The following STX7 variants were observed in gnomAD, a reference collection of about 807,000 sequenced individuals.
The protein encoded by STX7 is syntaxin 7.
In STX7, 34 loss-of-function variants were observed where a neutral mutation model predicts 39.6. The ratio of observed to expected loss-of-function variants is 0.86; its 90% CI spans 0.65 to 1.14. The LOEUF (loss-of-function observed/expected upper bound fraction) is 1.14, where lower values mean the gene tolerates loss of function less well. Among genes scored for constraint, STX7 ranks in the 50% most tolerant of loss-of-function variants. STX7 has a pLI of 0.00. For missense variants in STX7, 284 were observed against 310.4 expected, an observed-to-expected ratio of 0.92 and a Z score of 0.64; for synonymous variants, 119 against 99.1, an observed-to-expected ratio of 1.20 and a Z score of -1.19.
At chr6:132,490,618 A>T (rs1775255584) in intron 2 of STX7, among the ~76,000 whole-genome samples, 1 of 152,216 alleles carries the variant, frequency 6.6e-6, no homozygotes, top group South Asian at 2.1e-4. Flanking sequence ...CTGAGCAGGA[A>T]GCCGTATGGG....
At chr6:132,466,461 CAAGTATTCAGCTA>C (rs1303082962) in intron 8 of STX7, among the ~76,000 whole-genome samples, 1 of 152,194 alleles carries the variant, frequency 6.6e-6, no homozygotes, top group East Asian at 1.9e-4. Context: ...ATCTCTGTTA[CAAGTATTCAGCTA>C]CCCCTTCACT....
At position 132,471,595 on chromosome 6, in the gene STX7, T is replaced by C; in HGVS notation, c.255A>G (p.Gln85=). Reference sequence around the variant, plus strand: ...CTAAGCGATCCTTCTGTATTTTCCTTTGACGCTAGAGGAAAGAGAAGAAAA... The same window carrying C: ...CTAAGCGATCCTTCTGTATTTTCCTCTGACGCTAGAGGAAAGAGAAGAAAA... ...SLPTTPSEQR[Q]RKIQKDRLVA... The change falls in exon 5 of 10, where the codon CAA becomes CAG. Residue 85 remains glutamine (Q), a synonymous_variant. Coordinates refer to ENST00000367941, the MANE Select transcript of STX7 (RefSeq NM_003569.3). 1.2e-6 allele frequency: 2 copies of C among 1,612,180 alleles called. No individual in the cohort carries two copies. Among genetic ancestry groups the C allele is most frequent in the Non-Finnish European group, 1.7e-6 (2 of 1,179,374 alleles).
intron 2 of STX7, among the ~76,000 whole-genome samples, chr6:132,489,200 TAAAAAAAAAA>T (rs745673648): frequency 1.2e-5 from 1 of 83,208 alleles, no homozygotes; most frequent in Non-Finnish European, 2.2e-5. Context: ...GACTCTGTCT[TAAAAAAAAAA>T]AAAAAAAAAA....
At chr6:132,490,238 C>G (rs114989856) in intron 2 of STX7, among the ~76,000 whole-genome samples, 1 of 152,284 alleles carries the variant, frequency 6.6e-6, no homozygotes, top group East Asian at 1.9e-4. Flanking sequence ...GTCATCCACT[C>G]GAGGGCCCAA....
chr6:132,496,950 T>C (rs1188182762), intron 2 of STX7, among the ~76,000 whole-genome samples: 2 of 152,182 alleles, frequency 1.3e-5, no homozygotes, highest in Non-Finnish European at 2.9e-5. Context: ...AAACATCAAA[T>C]GTTGACAAGG....
chr6:132,472,478 G>A (rs1026903805), intron 3 of STX7, 103 bp from the exon 4 acceptor site: 10 of 831,882 alleles, frequency 1.2e-5, no homozygotes, highest in Non-Finnish European at 1.6e-5. Context: ...TACAAAAATT[G>A]CCTTTTCATA....
intron 9 of STX7, among the ~76,000 whole-genome samples, chr6:132,462,586 TGTG>T (rs1774438692): frequency 4.7e-5 from 3 of 64,486 alleles, no homozygotes; most frequent in African/African-American, 1.5e-4. Flanking sequence ...TGCAGGGGTG[TGTG>T]TGTGTGTGTG....
intron 2 of STX7, among the ~76,000 whole-genome samples, chr6:132,501,159 T>C (rs1025659213): frequency 1.3e-5 from 2 of 152,026 alleles, no homozygotes; most frequent in African/African-American, 4.8e-5. Flanking sequence ...TTCAAGCGAT[T>C]CCCCTGCCTC....
At chr6:132,465,545 T>A (rs539912994) in intron 8 of STX7, among the ~76,000 whole-genome samples, 1 of 152,218 alleles carries the variant, frequency 6.6e-6, no homozygotes, top group African/African-American at 2.4e-5. Flanking sequence ...AAGGATTAAC[T>A]GTGTTTCACT....
intron 2 of STX7, among the ~76,000 whole-genome samples, chr6:132,481,990 C>T (rs2114412505): frequency 6.6e-6 from 1 of 152,252 alleles, no homozygotes; most frequent in Admixed American, 6.5e-5. Flanking sequence ...GTCACCCTAA[C>T]TAGAAGGCAA....
intron 2 of STX7, among the ~76,000 whole-genome samples, chr6:132,495,912 A>G (rs541155641): frequency 8.5e-5 from 13 of 152,312 alleles, no homozygotes; most frequent in Admixed American, 4.6e-4. Flanking sequence ...GAGAAACCAA[A>G]AACATCTGTT....
chr6:132,480,196 C>T (rs112225945), intron 2 of STX7, among the ~76,000 whole-genome samples: 5 of 152,232 alleles, frequency 3.3e-5, no homozygotes, highest in South Asian at 2.1e-4. Flanking sequence ...TAACGGTGTT[C>T]CAAGGACAAT....
intron 2 of STX7, among the ~76,000 whole-genome samples, chr6:132,475,874 T>G (rs1774862328): frequency 6.6e-6 from 1 of 152,192 alleles, no homozygotes; most frequent in African/African-American, 2.4e-5. Flanking sequence ...TGTGTGAGAA[T>G]GTTAACTTGT....
At chr6:132,496,967 A>G (rs896528111) in intron 2 of STX7, among the ~76,000 whole-genome samples, 2 of 152,210 alleles carry the variant, frequency 1.3e-5, no homozygotes, top group Non-Finnish European at 2.9e-5. Context: ...AAGGACTTTG[A>G]GCAGCACAAA....
At chr6:132,469,544 T>C (rs1774656832) in intron 7 of STX7, among the ~76,000 whole-genome samples, 1 of 152,146 alleles carries the variant, frequency 6.6e-6, no homozygotes, top group South Asian at 2.1e-4. Context: ...ATACATTAAT[T>C]TTCTTTCTCT....
At position 132,509,965 on chromosome 6, in the gene STX7, C is replaced by A. The variant is rs6909114; in HGVS notation, c.-59+3042G>T. ...ACTTTTGAAAGCCCACTCAGAATTCCTATTTAATTGCTCAGAATAATAATT... is the reference window on the plus strand; with the variant it reads ...ACTTTTGAAAGCCCACTCAGAATTCATATTTAATTGCTCAGAATAATAATT... On this transcript the variant is annotated intron_variant, in intron 1 of 9. Coordinates refer to ENST00000367941, the MANE Select transcript of STX7 (RefSeq NM_003569.3). Among the ~76,000 whole-genome samples the A allele has an allele frequency of 2.8e-4, 42 of 152,266 alleles. No individual in the cohort carries two copies. In the South Asian group the frequency reaches 3.7e-3, roughly 14 times the overall value.
At chr6:132,475,431 C>T (rs1774849277) in intron 3 of STX7, 162 bp downstream of exon 3, 2 of 424,082 alleles carry the variant, frequency 4.7e-6, no homozygotes, top group Non-Finnish European at 8.2e-6. Context: ...GAAAAATCTA[C>T]ACAAAAGCTT....
At chr6:132,472,737 T>A (rs1403760500) in intron 3 of STX7, among the ~76,000 whole-genome samples, 1 of 152,204 alleles carries the variant, frequency 6.6e-6, no homozygotes, top group Non-Finnish European at 1.5e-5. Context: ...ATCTCACACC[T>A]GGAAGGTCAG....
At chr6:132,503,735 CTCA>C in intron 1 of STX7, 147 bp from the exon 2 acceptor site, 2 of 390,912 alleles carry the variant, frequency 5.1e-6, no homozygotes, top group Non-Finnish European at 9.1e-6. Flanking sequence ...TAGCAAAACT[CTCA>C]TGTCTACTAA....
Sources: gnomAD v4.1 joint callset for allele counts (sites outside exome capture counted in the v4.1 genomes callset) on GRCh38, gnomAD v4.1.1 for gene constraint, MANE v1.5 for transcripts, NCBI Gene and HGNC (gene_info 2026-07-23, HGNC 2026-07-21) for gene names.